The following SH3GL2 variants were observed in gnomAD, a reference collection of about 807,000 sequenced individuals.
SH3GL2 encodes the protein endophilin-A1.
A neutral mutation model predicts 46.0 loss-of-function variants in SH3GL2; 24 were observed. The ratio of observed to expected loss-of-function variants is 0.52; its 90% CI spans 0.38 to 0.73. SH3GL2 has a LOEUF of 0.73. Among genes scored for constraint, SH3GL2 ranks in the 30% least tolerant of loss-of-function variants. The pLI, the probability that SH3GL2 is intolerant of heterozygous loss-of-function variation, is 0.00. For missense variants in SH3GL2, 413 were observed against 424.2 expected (o/e 0.97, Z 0.23); for synonymous variants, 196 against 147.1 (o/e 1.33, Z -2.40).
chr9:17,763,229 A>G (rs1823229638), intron 3 of SH3GL2, among the ~76,000 whole-genome samples: 1 of 152,162 alleles, frequency 6.6e-6, no homozygotes, highest in South Asian at 2.1e-4. Context: ...AGTTTTCCTG[A>G]GTATAATGGA....
intron 1 of SH3GL2, among the ~76,000 whole-genome samples, chr9:17,618,693 G>T (rs1218786393): frequency 6.6e-6 from 1 of 152,066 alleles, no homozygotes; most frequent in African/African-American, 2.4e-5. Context: ...TCTAAAGTTT[G>T]TAACATTCTA....
rs116430464 is a variant in SH3GL2 at position 17,717,059 on chromosome 9, C to G, written c.46-30007C>G. On this transcript the variant is annotated intron_variant, in intron 1 of 8. Coordinates refer to ENST00000380607, the MANE Select transcript of SH3GL2 (RefSeq NM_003026.5). The stretch of plus-strand genomic sequence containing the variant: ...TATTTCGTCAGAACCTGGTAGCTAT[C>G]TATATCTTTAAAGGCGTTCATTATG... 3.0e-3 allele frequency among the ~76,000 whole-genome samples: 453 copies of G among 152,168 alleles called. 4 individuals are homozygous for G. Among genetic ancestry groups the G allele is most frequent in the African/African-American group, 9.9e-3 (411 of 41,526 alleles).
intron 2 of SH3GL2, among the ~76,000 whole-genome samples, chr9:17,758,779 A>ATGT (rs1823083535): frequency 2.5e-5 from 1 of 40,156 alleles, no homozygotes; most frequent in South Asian, 9.3e-4. Flanking sequence ...TTGCTCTGTA[A>ATGT]TGATGCCTGG....
At chr9:17,611,973 C>G (rs1818876980) in intron 1 of SH3GL2, among the ~76,000 whole-genome samples, 1 of 152,178 alleles carries the variant, frequency 6.6e-6, no homozygotes, top group South Asian at 2.1e-4. Flanking sequence ...CATCTTCTTT[C>G]ACCCTGAAAA....
intron 1 of SH3GL2, among the ~76,000 whole-genome samples, chr9:17,597,199 C>G (rs1818588658): frequency 6.6e-6 from 1 of 152,150 alleles, no homozygotes; most frequent in African/African-American, 2.4e-5. Flanking sequence ...GGGTTTTGGT[C>G]CTTTTAAAGT....
At chr9:17,600,796 T>C (rs1255644162) in intron 1 of SH3GL2, among the ~76,000 whole-genome samples, 1 of 152,184 alleles carries the variant, frequency 6.6e-6, no homozygotes, top group Admixed American at 6.6e-5. Flanking sequence ...AAAAACTCTT[T>C]ACTCATTGTC....
intron 1 of SH3GL2, among the ~76,000 whole-genome samples, chr9:17,677,173 ATT>A (rs5896755): frequency 1.5e-4 from 23 of 151,420 alleles, no homozygotes; most frequent in African/African-American, 5.6e-4. Context: ...TTTGAAAAAC[ATT>A]TTTTTTTCCT....
chr9:17,794,605 A>G (rs1198720847), intron 8 of SH3GL2, among the ~76,000 whole-genome samples: 2 of 152,206 alleles, frequency 1.3e-5, no homozygotes, highest in African/African-American at 4.8e-5. Context: ...AAAATAAATT[A>G]CATTGTTTCC....
chr9:17,741,790 T>C (rs1274377654), intron 1 of SH3GL2, among the ~76,000 whole-genome samples: 1 of 152,204 alleles, frequency 6.6e-6, no homozygotes, highest in Non-Finnish European at 1.5e-5. Context: ...TGAGCAAATA[T>C]GCTTAGCAGT....
chr9:17,614,330 C>T (rs1193169121), intron 1 of SH3GL2, among the ~76,000 whole-genome samples: 1 of 119,596 alleles, frequency 8.4e-6, no homozygotes, highest in Non-Finnish European at 1.8e-5. Context: ...AAAATCCTTG[C>T]CCCTTTTAGA....
intron 1 of SH3GL2, among the ~76,000 whole-genome samples, chr9:17,602,484 C>T (rs1452926643): frequency 6.6e-6 from 1 of 152,120 alleles, no homozygotes; most frequent in Non-Finnish European, 1.5e-5. Context: ...AGCCACCTTG[C>T]CTCTTTCACC....
intron 1 of SH3GL2, among the ~76,000 whole-genome samples, chr9:17,729,008 G>A (rs1473649615): frequency 6.6e-6 from 1 of 152,104 alleles, no homozygotes; most frequent in Admixed American, 6.6e-5. Context: ...GGATTGCTGG[G>A]TCAAATAGTA....
chr9:17,742,800 A>C (rs1449686784), intron 1 of SH3GL2, among the ~76,000 whole-genome samples: 1 of 152,186 alleles, frequency 6.6e-6, no homozygotes, highest in Non-Finnish European at 1.5e-5. Flanking sequence ...TTGAACCATC[A>C]ATGTTTTTAG....
intron 1 of SH3GL2, among the ~76,000 whole-genome samples, chr9:17,726,954 G>A (rs1365658829): frequency 6.6e-6 from 1 of 152,098 alleles, no homozygotes; most frequent in East Asian, 1.9e-4. Context: ...TATACTACAA[G>A]GCATAGATTC....
intron 2 of SH3GL2, among the ~76,000 whole-genome samples, chr9:17,754,412 G>A (rs139120944): frequency 2.5e-4 from 38 of 152,052 alleles, no homozygotes; most frequent in Admixed American, 2.3e-3. Context: ...AGTGACTCAC[G>A]CCTGTAATCC....
intron 3 of SH3GL2, among the ~76,000 whole-genome samples, chr9:17,766,801 G>C (rs1823332075): frequency 6.6e-6 from 1 of 152,202 alleles, no homozygotes; most frequent in South Asian, 2.1e-4. Context: ...AGACGGTACA[G>C]CACTAGATAG....
At chr9:17,666,638 C>T (rs1820351112) in intron 1 of SH3GL2, among the ~76,000 whole-genome samples, 1 of 151,528 alleles carries the variant, frequency 6.6e-6, no homozygotes, top group South Asian at 2.1e-4. Context: ...TTCATCCTAA[C>T]AGCTTATTCA....
rs1824191491 is a variant in SH3GL2, at chr9:17,793,445, C to A, written c.807C>A (p.Asp269Glu). 1.2e-6 allele frequency: 2 copies of A among 1,611,636 alleles called. No homozygotes were observed. The highest frequency in any genetic ancestry group is 1.1e-5 in the South Asian group (1 of 90,452). Reference sequence around the variant, plus strand: ...TGAGCCTGGAGTTTCCAACTGGAGACAGTACTCAGCCCAATGGGGGTCTCT... The same window carrying A: ...TGAGCCTGGAGTTTCCAACTGGAGAAAGTACTCAGCCCAATGGGGGTCTCT... ...PRMSLEFPTG[D>E]STQPNGGLSH... The change falls in exon 8 of 9, where the codon GAC becomes GAA. Residue 269 changes from aspartate (D) to glutamate (E), a missense_variant. Physicochemically the swap from Asp to Glu is conservative, Grantham distance 45. This residue lies in a region of SH3GL2 where 248 missense variants were observed against 215.0 expected (regional missense o/e 1.15). Transcript: ENST00000380607.
chr9:17,713,005 G>A (rs1414062515), intron 1 of SH3GL2, among the ~76,000 whole-genome samples: 1 of 151,280 alleles, frequency 6.6e-6, no homozygotes, highest in Non-Finnish European at 1.5e-5. Context: ...GATGATGTTA[G>A]CTATACATTT....
Sources: gnomAD v4.1 joint callset for allele counts (sites outside exome capture counted in the v4.1 genomes callset) on GRCh38, gnomAD v4.1.1 for gene constraint, gnomAD v4.1.1 regional missense constraint, MANE v1.5 for transcripts, NCBI Gene and HGNC (gene_info 2026-07-23, HGNC 2026-07-21) for gene names.